Variants in PTPRO observed in about 807,000 individuals in gnomAD.
The protein encoded by PTPRO is protein tyrosine phosphatase receptor type O.
A neutral mutation model predicts 145.2 loss-of-function variants in PTPRO; 62 were observed. That is an observed-to-expected ratio of 0.43 (90% CI 0.35 to 0.53). PTPRO has a LOEUF of 0.53. Ranked by LOEUF, PTPRO falls within the 20% of genes least tolerant of loss-of-function variation. The probability of loss-of-function intolerance (pLI) is 0.01; values close to 1 mark genes in which losing one functional copy is unlikely to be tolerated. For synonymous variants in PTPRO, 565 were observed against 514.7 expected, an observed-to-expected ratio of 1.10 and a Z score of -1.32; for missense variants, 1,345 against 1,482.7, an observed-to-expected ratio of 0.91 and a Z score of 1.53.
At chr12:15,330,213 G>T (rs923701991) in intron 1 of PTPRO, among the ~76,000 whole-genome samples, 1 of 152,208 alleles carries the variant, frequency 6.6e-6, no homozygotes, top group Non-Finnish European at 1.5e-5. Flanking sequence ...ACTAGTAGCA[G>T]GTTGTTGAAA....
chr12:15,380,991 T>C (rs376156862), intron 1 of PTPRO, among the ~76,000 whole-genome samples: 2 of 152,156 alleles, frequency 1.3e-5, no homozygotes, highest in East Asian at 3.8e-4. Context: ...ATTTGTAGTT[T>C]TGAAGACATA....
At chr12:15,527,875 A>AACCCCCCCCCCCCCC (rs1942873389) in intron 12 of PTPRO, among the ~76,000 whole-genome samples, 2 of 137,648 alleles carry the variant, frequency 1.5e-5, no homozygotes, top group African/African-American at 5.7e-5. Context: ...GGGAACTGTG[A>AACCCCCCCCCCCCCC]CCCGCCCACG....
intron 1 of PTPRO, among the ~76,000 whole-genome samples, chr12:15,433,117 A>G (rs913247015): frequency 1.3e-5 from 2 of 151,042 alleles, no homozygotes; most frequent in East Asian, 1.9e-4. Context: ...TGCCTATTCC[A>G]ATATCCAGGA....
chr12:15,342,926 T>G (rs1379382854), intron 1 of PTPRO, among the ~76,000 whole-genome samples: 1 of 152,200 alleles, frequency 6.6e-6, no homozygotes, highest in Non-Finnish European at 1.5e-5. Context: ...TATTCAGGTA[T>G]GTGTACCAGA....
At chr12:15,519,342 G>C (rs1167339152) in intron 9 of PTPRO, among the ~76,000 whole-genome samples, 1 of 152,194 alleles carries the variant, frequency 6.6e-6, no homozygotes, top group Non-Finnish European at 1.5e-5. Context: ...TGAGATTTGG[G>C]TGGGGACACA....
intron 1 of PTPRO, chr12:15,439,920 A>T: frequency 1.5e-6 from 1 of 670,482 alleles, no homozygotes; most frequent in Non-Finnish European, 2.7e-6. Flanking sequence ...ATTGGGGACT[A>T]CAATGGCCAC....
chr12:15,430,501 T>C (rs1267756311), intron 1 of PTPRO, among the ~76,000 whole-genome samples: 1 of 152,108 alleles, frequency 6.6e-6, no homozygotes, highest in African/African-American at 2.4e-5. Flanking sequence ...AGATAAGATG[T>C]GACAAGTATC....
At chr12:15,329,315 G>A (rs1303189844) in intron 1 of PTPRO, among the ~76,000 whole-genome samples, 2 of 152,160 alleles carry the variant, frequency 1.3e-5, no homozygotes, top group East Asian at 3.8e-4. Flanking sequence ...GTACAAACCA[G>A]ATGTCAGAGA....
At chr12:15,344,297 A>C (rs1376543429) in intron 1 of PTPRO, among the ~76,000 whole-genome samples, 1 of 152,232 alleles carries the variant, frequency 6.6e-6, no homozygotes, top group Non-Finnish European at 1.5e-5. Context: ...GTTCTAAAAT[A>C]CATTTTTTAA....
intron 8 of PTPRO, among the ~76,000 whole-genome samples, chr12:15,515,836 A>G (rs1942565465): frequency 6.6e-6 from 1 of 152,022 alleles, no homozygotes; most frequent in East Asian, 1.9e-4. Flanking sequence ...AAACATTCTT[A>G]CTTTAGTTTT....
intron 1 of PTPRO, among the ~76,000 whole-genome samples, chr12:15,440,716 AG>A (rs1940740306): frequency 6.6e-6 from 1 of 152,200 alleles, no homozygotes; most frequent in South Asian, 2.1e-4. Context: ...ACAAAAAAGC[AG>A]GGGTCACTAT....
At chr12:15,560,351 T>C (rs2135584846) in intron 17 of PTPRO, 75 bp downstream of exon 17, 2 of 1,182,640 alleles carry the variant, frequency 1.7e-6, no homozygotes, top group South Asian at 1.2e-5. Flanking sequence ...AAAAGGAAAG[T>C]TTCTTTTTAA....
At chr12:15,445,471 T>C (rs570154886) in intron 1 of PTPRO, among the ~76,000 whole-genome samples, 73 of 152,140 alleles carry the variant, frequency 4.8e-4, no homozygotes, top group Non-Finnish European at 8.1e-4. Flanking sequence ...AGGAAACATT[T>C]ATTGTAAGAA....
intron 1 of PTPRO, among the ~76,000 whole-genome samples, chr12:15,368,336 TAG>T (rs1376351419): frequency 2.6e-5 from 4 of 152,242 alleles, no homozygotes; most frequent in Admixed American, 6.5e-5. Flanking sequence ...AAGCCTTGTC[TAG>T]CCACTTTATA....
In PTPRO at chr12:15,417,479, A is replaced by G. The variant is rs555358969; in HGVS notation, c.76-66495A>G. Among the ~76,000 whole-genome samples the G allele has an allele frequency of 5.3e-5, 8 of 151,846 alleles. 1 individual carries two copies. The highest frequency in any genetic ancestry group is 1.9e-4 in the African/African-American group (8 of 41,098). On this transcript the variant is annotated intron_variant, in intron 1 of 26. Coordinates refer to ENST00000281171, the MANE Select transcript of PTPRO (RefSeq NM_030667.3). ...AGAGTATATTGAGAATGATTGAATC[A>G]AATTTAACAAAACCTTGCTTCTCAG...
chr12:15,473,450 G>A (rs1261677046), intron 1 of PTPRO, among the ~76,000 whole-genome samples: 7 of 152,162 alleles, frequency 4.6e-5, no homozygotes, highest in Non-Finnish European at 1.0e-4. Context: ...TTGGAAGTTA[G>A]TTAAACAAAT....
intron 18 of PTPRO, among the ~76,000 whole-genome samples, chr12:15,566,915 C>T (rs890092757): frequency 6.6e-6 from 1 of 152,200 alleles, no homozygotes; most frequent in Admixed American, 6.5e-5. Flanking sequence ...AGGGTACCAT[C>T]ACCTGGGAGG....
At chr12:15,580,255 C>T (rs1259206727) in intron 21 of PTPRO, 140 bp downstream of exon 21, 10 of 689,182 alleles carry the variant, frequency 1.5e-5, no homozygotes, top group Admixed American at 5.3e-5. Flanking sequence ...TGCATTACTC[C>T]GTTTCATAAT....
rs927302500 is a variant in PTPRO, at chr12:15,578,856, T to C, written c.2833T>C (p.Leu945=). ...DYKFSLQFEE[L]KLIGLDIPHF... The stretch of plus-strand genomic sequence containing the variant: ...ATCCATTCTCTGTCCTTTACAGGAG[T>C]TGAAATTGATTGGACTGGATATCCC... Residue 945 remains leucine (L), a synonymous_variant, in exon 20 of 27, where the codon TTG becomes CTG. Coordinates refer to ENST00000281171, the MANE Select transcript of PTPRO (RefSeq NM_030667.3). 1 of 1,586,426 alleles carries C rather than the reference T, an allele frequency of 6.3e-7. No homozygotes were observed. The highest frequency in any genetic ancestry group is 8.7e-7 in the Non-Finnish European group (1 of 1,154,898).
Sources: allele counts gnomAD v4.1 joint callset (sites outside exome capture counted in the v4.1 genomes callset), GRCh38; gene constraint gnomAD v4.1.1; transcripts MANE v1.5; gene names NCBI Gene and HGNC (gene_info 2026-07-23, HGNC 2026-07-21).